Variants in CACNA2D3 observed in about 807,000 individuals in gnomAD.
CACNA2D3 encodes voltage-dependent calcium channel subunit alpha-2/delta-3.
A neutral mutation model predicts 160.6 loss-of-function variants in CACNA2D3; 60 were observed. The ratio of observed to expected loss-of-function variants is 0.37; its 90% confidence interval spans 0.30 to 0.46. The LOEUF is 0.46. Among genes scored for constraint, CACNA2D3 ranks in the 20% least tolerant of loss-of-function variants. CACNA2D3 has a pLI of 1.00. For synonymous variants in CACNA2D3, 558 were observed against 492.9 expected (o/e 1.13, Z -1.75); for missense variants, 1,205 against 1,365.0 (o/e 0.88, Z 1.85).
At chr3:54,236,368 A>G (rs974006614) in intron 2 of CACNA2D3, among the ~76,000 whole-genome samples, 1 of 152,240 alleles carries the variant, frequency 6.6e-6, no homozygotes, top group African/African-American at 2.4e-5. Flanking sequence ...AATAAATGTA[A>G]GTGGATAACC....
At chr3:54,692,541 T>A (rs1355113165) in intron 11 of CACNA2D3, among the ~76,000 whole-genome samples, 1 of 152,226 alleles carries the variant, frequency 6.6e-6, no homozygotes, top group Non-Finnish European at 1.5e-5. Flanking sequence ...TATTCTTTTC[T>A]TTCTTTCTTT....
chr3:55,009,317 C>T, intron 33 of CACNA2D3, 71 bp from the exon 34 acceptor site: 1 of 1,342,154 alleles, frequency 7.5e-7, no homozygotes, highest in Non-Finnish European at 1.1e-6. Flanking sequence ...CCAAAGAATA[C>T]AGAAAGTCAC....
intron 3 of CACNA2D3, among the ~76,000 whole-genome samples, chr3:54,358,531 T>G (rs1698687224): frequency 6.6e-6 from 1 of 152,156 alleles, no homozygotes; most frequent in African/African-American, 2.4e-5. Flanking sequence ...TGAGGATGCT[T>G]AAAATCAGAG....
At chr3:54,997,349 A>G (rs572443420) in intron 31 of CACNA2D3, among the ~76,000 whole-genome samples, 1 of 152,136 alleles carries the variant, frequency 6.6e-6, no homozygotes, top group Admixed American at 6.5e-5. Context: ...AAATAGCCCC[A>G]CCCCAGACTA....
chr3:54,843,023 G>T (rs1254667605), intron 16 of CACNA2D3, among the ~76,000 whole-genome samples: 1 of 149,400 alleles, frequency 6.7e-6, no homozygotes, highest in Admixed American at 6.7e-5. Context: ...TGTTGCCCAG[G>T]CTAGAGTGCA....
chr3:54,626,131 C>A (rs1361043929), intron 9 of CACNA2D3: 5 of 631,308 alleles, frequency 7.9e-6, no homozygotes, highest in Non-Finnish European at 1.4e-5. Context: ...AGAAAATAAT[C>A]CATTTCAATA....
chr3:54,451,933 G>A (rs1294507506), intron 4 of CACNA2D3, among the ~76,000 whole-genome samples: 1 of 152,094 alleles, frequency 6.6e-6, no homozygotes, highest in East Asian at 1.9e-4. Context: ...CAAGCTCTAG[G>A]ATTACCTCCA....
intron 11 of CACNA2D3, among the ~76,000 whole-genome samples, chr3:54,751,628 A>G (rs2107066724): frequency 6.6e-6 from 1 of 152,280 alleles, no homozygotes; most frequent in Non-Finnish European, 1.5e-5. Context: ...GCTAACCACA[A>G]TTGTAGCAAA....
chr3:54,814,067 C>G (rs1703396050), intron 13 of CACNA2D3, among the ~76,000 whole-genome samples: 1 of 151,860 alleles, frequency 6.6e-6, no homozygotes. Context: ...TGGAGTTTCA[C>G]TATGTTGCCC....
chr3:54,820,978 C>A (rs551237676), intron 14 of CACNA2D3, among the ~76,000 whole-genome samples: 2 of 152,180 alleles, frequency 1.3e-5, no homozygotes, highest in South Asian at 4.1e-4. Flanking sequence ...GTTTAATCAA[C>A]GTAGAGTGGG....
At chr3:54,209,931 T>C (rs1157151959) in intron 2 of CACNA2D3, among the ~76,000 whole-genome samples, 1 of 152,192 alleles carries the variant, frequency 6.6e-6, no homozygotes, top group African/African-American at 2.4e-5. Flanking sequence ...TCTCTTTTAG[T>C]TTATGGGGAT....
intron 4 of CACNA2D3, among the ~76,000 whole-genome samples, chr3:54,449,383 C>T (rs886610548): frequency 4.6e-5 from 7 of 152,328 alleles, no homozygotes; most frequent in African/African-American, 1.7e-4. Context: ...ATAGTGTGTT[C>T]ACTTCATGTT....
intron 23 of CACNA2D3, among the ~76,000 whole-genome samples, chr3:54,886,589 A>G (rs1312491941): frequency 6.6e-6 from 1 of 152,200 alleles, no homozygotes; most frequent in African/African-American, 2.4e-5. Context: ...TTCCCTCCCA[A>G]AGAGAATGAC....
At chr3:54,778,514 A>C (rs780479321) in intron 13 of CACNA2D3, among the ~76,000 whole-genome samples, 3 of 151,970 alleles carry the variant, frequency 2.0e-5, no homozygotes, top group Non-Finnish European at 2.9e-5. Flanking sequence ...CCTTGGATGG[A>C]CCTCCAGTCT....
intron 12 of CACNA2D3, among the ~76,000 whole-genome samples, chr3:54,763,297 C>CA (rs1221395458): frequency 6.6e-6 from 1 of 151,806 alleles, no homozygotes; most frequent in Non-Finnish European, 1.5e-5. Flanking sequence ...AGAACATAGG[C>CA]AAAAAACATA....
intron 9 of CACNA2D3, among the ~76,000 whole-genome samples, chr3:54,591,471 T>C (rs1370614676): frequency 1.3e-5 from 2 of 151,756 alleles, no homozygotes; most frequent in Non-Finnish European, 2.9e-5. Context: ...TGGGCAACCA[T>C]GCCAGTGCCT....
chr3:54,310,357 G>T (rs778368291), intron 2 of CACNA2D3, among the ~76,000 whole-genome samples: 4 of 152,146 alleles, frequency 2.6e-5, no homozygotes, highest in Admixed American at 2.0e-4. Context: ...GCAATAATTG[G>T]GTTAAGAGGA....
chr3:54,508,971 T>C (rs1199733254), intron 5 of CACNA2D3, among the ~76,000 whole-genome samples: 2 of 152,198 alleles, frequency 1.3e-5, no homozygotes, highest in Non-Finnish European at 2.9e-5. Flanking sequence ...GGTCCCCTGC[T>C]TAGGAGCAGA....
intron 2 of CACNA2D3, among the ~76,000 whole-genome samples, chr3:54,157,416 C>T (rs1700263037): frequency 6.6e-6 from 1 of 152,172 alleles, no homozygotes; most frequent in African/African-American, 2.4e-5. Context: ...GCAGAGGTCT[C>T]CAGCCCCTGT....
Sources: allele counts gnomAD v4.1 joint callset (sites outside exome capture counted in the v4.1 genomes callset), GRCh38; gene constraint gnomAD v4.1.1; transcripts MANE v1.5; gene names NCBI Gene and HGNC (gene_info 2026-07-23, HGNC 2026-07-21).